MAMLD1: variants seen among roughly 807,000 people sequenced by gnomAD.
MAMLD1 encodes the protein mastermind-like domain-containing protein 1.
Under a neutral mutation model 45.0 loss-of-function variants are expected in MAMLD1, and 14 were observed. That is an observed-to-expected ratio of 0.31 (90% confidence interval 0.21 to 0.49). The LOEUF is 0.49. MAMLD1 is among the 20% of genes least tolerant of loss of function. The pLI is 0.99. For missense variants in MAMLD1, 543 were observed against 603.6 expected (o/e 0.90, Z 1.05); for synonymous variants, 254 against 247.8 (o/e 1.02, Z -0.24).
intron 1 of MAMLD1, among the ~76,000 whole-genome samples, chrX:150,414,028 C>CAAAAAAAAAAAAAAAAAAAAAAAAAA (rs56866886): frequency 3.2e-5 from 1 of 31,344 alleles, no homozygotes; most frequent in Non-Finnish European, 5.0e-5. Flanking sequence ...CAGAAAACTG[C>CAAAAAAAAAAAAAAAAAAAAAAAAAA]AAAAAAAAAA....
chrX:150,387,317 T>C (rs1177060143), intron 1 of MAMLD1, among the ~76,000 whole-genome samples: 1 of 112,151 alleles, frequency 8.9e-6, no homozygotes, highest in Non-Finnish European at 1.9e-5. Flanking sequence ...TGGTTGTCAT[T>C]CTTCTTTTAC....
chrX:150,367,508 A>C (rs1474176504), intron 1 of MAMLD1, among the ~76,000 whole-genome samples: 1 of 112,244 alleles, frequency 8.9e-6, no homozygotes, highest in Non-Finnish European at 1.9e-5. Flanking sequence ...GGCTCTTCTG[A>C]AAATAGCTGG....
At chrX:150,507,506 G>A (rs2037765136) in intron 6 of MAMLD1, among the ~76,000 whole-genome samples, 1 of 112,003 alleles carries the variant, frequency 8.9e-6, no homozygotes, top group Admixed American at 9.4e-5. Flanking sequence ...GACTGGCGGT[G>A]CCTCTGGACA....
chrX:150,398,317 G>T (rs2033564690), intron 1 of MAMLD1, among the ~76,000 whole-genome samples: 13 of 97,456 alleles, frequency 1.3e-4, no homozygotes, highest in African/African-American at 4.5e-4. Flanking sequence ...AGAAGAAGAA[G>T]AAGAAGAAGA....
rs782436177 is a variant in MAMLD1, at chrX:150,508,444, C to T, written c.2285-1518C>T. 1.4e-4 allele frequency among the ~76,000 whole-genome samples: 16 copies of T among 110,719 alleles called. No individual in the cohort carries two copies. In the South Asian group the frequency reaches 6.3e-3, roughly 44 times the overall value. The stretch of plus-strand genomic sequence containing the variant: ...CAGCTGAGAAACAGCCCCTCACTGC[C>T]CACACGGCAGCTCCAGTGGAGGGGG... On this transcript the variant is annotated intron_variant, in intron 6 of 7. Transcript: ENST00000370401.
Position 150,471,181 on chromosome X carries a change from A to G in MAMLD1, c.1608A>G (p.Pro536=). The change falls in exon 4 of 8, where the codon CCA becomes CCG. Residue 536 remains proline (P), a synonymous_variant. Transcript: ENST00000370401. ...GCTCCAGCCCAGGAGCCACGGAGCCATTTACTTTTGGCAACACCAAGCCCT... is the reference window on the plus strand; with the variant it reads ...GCTCCAGCCCAGGAGCCACGGAGCCGTTTACTTTTGGCAACACCAAGCCCT... ...MASSSPGATE[P]FTFGNTKPLS... is the part of the protein sequence containing the mutation. 1 of 1,211,875 alleles carries G rather than the reference A, an allele frequency of 8.3e-7. No homozygotes were observed. The highest frequency in any genetic ancestry group is 1.8e-5 in the South Asian group (1 of 57,020).
At chrX:150,389,367 T>TTTTCTTGG (rs1409388954) in intron 1 of MAMLD1, among the ~76,000 whole-genome samples, 3 of 112,108 alleles carry the variant, frequency 2.7e-5, no homozygotes, top group Non-Finnish European at 3.8e-5. Context: ...CATTTTTAAA[T>TTTTCTTGG]TTTCTTGGAG....
intron 1 of MAMLD1, among the ~76,000 whole-genome samples, chrX:150,413,160 G>T: frequency 9.0e-6 from 1 of 111,641 alleles, no homozygotes; most frequent in Non-Finnish European, 1.9e-5. Flanking sequence ...TTGTTACTGT[G>T]GGTGATCAGA....
At chrX:150,495,417 GA>G (rs1557408229) in intron 5 of MAMLD1, among the ~76,000 whole-genome samples, 3 of 112,165 alleles carry the variant, frequency 2.7e-5, no homozygotes, top group Non-Finnish European at 3.8e-5. Context: ...CAGAGTTGTG[GA>G]CATGGTATTG....
Position 150,470,076 on chromosome X carries a change from G to C in MAMLD1, c.503G>C (p.Ser168Thr), listed in dbSNP as rs1557406260. ...GTTCCTTACTATGAGAAAATCAACA[G>C]CGTGCCGGCTGTAGACCAGGAGCTT... is the stretch of plus-strand genomic sequence containing the variant. ...PTVPYYEKIN[S>T]VPAVDQELQE... Residue 168 changes from serine to threonine, a missense_variant, in exon 4 of 8, where the codon AGC becomes ACC. Ser to Thr is a moderately conservative substitution (Grantham distance 58, BLOSUM62 1). Transcript: ENST00000370401. 8.3e-7 allele frequency: 1 copy of C among 1,211,675 alleles called. No individual in the cohort carries two copies. The highest frequency in any genetic ancestry group is 1.1e-6 in the Non-Finnish European group (1 of 895,535).
chrX:150,471,449 C>A lies in MAMLD1; in HGVS notation c.1876C>A (p.Arg626=), dbSNP rs782154670. The A allele has an allele frequency of 8.3e-7, 1 of 1,210,918 alleles. No individual in the cohort carries two copies. ...QMMQQPQRFQ[R]SVASDSMPAL... ...GATGCAGCAACCCCAGCGTTTTCAG[C>A]GATCAGTGGCCTCAGATTCCATGCC... Residue 626 remains arginine (R), a synonymous_variant, in exon 4 of 8, where the codon CGA becomes AGA. Coordinates refer to ENST00000370401, the MANE Select transcript of MAMLD1 (RefSeq NM_005491.5).
At chrX:150,484,684 T>G (rs2036930921) in intron 5 of MAMLD1, among the ~76,000 whole-genome samples, 1 of 112,507 alleles carries the variant, frequency 8.9e-6, no homozygotes, top group African/African-American at 3.2e-5. Flanking sequence ...TAAAATTGTT[T>G]AAGTTGGCTT....
chrX:150,403,940 A>AAAAGAAAGAGAAAGAAAGAAAG (rs2033898838), intron 1 of MAMLD1, among the ~76,000 whole-genome samples: 1 of 58,882 alleles, frequency 1.7e-5, no homozygotes, highest in African/African-American at 6.5e-5. Flanking sequence ...AGAAAGAAAG[A>AAAAGAAAGAGAAAGAAAGAAAG]AAAGAAAGAA....
chrX:150,366,156 C>A (rs782118118), intron 1 of MAMLD1, among the ~76,000 whole-genome samples: 1 of 111,806 alleles, frequency 8.9e-6, no homozygotes. Context: ...AGATTCCACC[C>A]GCTCTCTGGC....
At chrX:150,494,804 C>T (rs2037315490) in intron 5 of MAMLD1, among the ~76,000 whole-genome samples, 1 of 111,192 alleles carries the variant, frequency 9.0e-6, no homozygotes, top group South Asian at 3.8e-4. Flanking sequence ...CACCTGAGCC[C>T]GCCAGGGAGG....
intron 3 of MAMLD1, among the ~76,000 whole-genome samples, chrX:150,468,978 A>AGCGT: frequency 9.9e-6 from 1 of 100,720 alleles, no homozygotes; most frequent in East Asian, 3.2e-4. Flanking sequence ...AATGTGTGAG[A>AGCGT]GTGTGTGTGT....
At chrX:150,434,967 T>C (rs2035073691) in intron 1 of MAMLD1, among the ~76,000 whole-genome samples, 2 of 111,350 alleles carry the variant, frequency 1.8e-5, no homozygotes, top group Admixed American at 9.6e-5. Flanking sequence ...ATATCTTTGT[T>C]AGTTTTCTGC....
chrX:150,423,436 A>G (rs2034595112), intron 1 of MAMLD1, among the ~76,000 whole-genome samples: 1 of 20,849 alleles, frequency 4.8e-5, no homozygotes, highest in Non-Finnish European at 1.3e-4. Flanking sequence ...GAAAAGGAAA[A>G]GACCAGCTGC....
At chrX:150,403,324 C>T (rs2033868482) in intron 1 of MAMLD1, among the ~76,000 whole-genome samples, 1 of 111,446 alleles carries the variant, frequency 9.0e-6, no homozygotes, top group Non-Finnish European at 1.9e-5. Flanking sequence ...TGATGAGTGA[C>T]TGGTAGTGAC....
Sources: gnomAD v4.1 joint callset for allele counts (sites outside exome capture counted in the v4.1 genomes callset) on GRCh38, gnomAD v4.1.1 for gene constraint, MANE v1.5 for transcripts, NCBI Gene and HGNC (gene_info 2026-07-23, HGNC 2026-07-21) for gene names.